Variants in CAMTA1 observed in about 807,000 individuals in gnomAD.
CAMTA1 encodes the protein calmodulin binding transcription activator 1.
In CAMTA1, 27 loss-of-function variants were observed where a neutral mutation model predicts 170.9. The ratio of observed to expected loss-of-function variants is 0.16; its 90% CI spans 0.12 to 0.22. The LOEUF (loss-of-function observed/expected upper bound fraction) is 0.22. Among genes scored for constraint, CAMTA1 ranks in the 10% least tolerant of loss-of-function variants. The pLI is 1.00. For missense variants in CAMTA1, 1,619 were observed against 2,217.2 expected (o/e 0.73, Z 5.42); for synonymous variants, 833 against 891.5 (o/e 0.93, Z 1.17).
In CAMTA1 at chr1:7,230,432, A is replaced by ACCC. The variant is rs66934266; in HGVS notation, c.303-19049_303-19047dup. Among the ~76,000 whole-genome samples the ACCC allele has an allele frequency of 1.0e-3, 39 of 38,244 alleles. 1 individual carries two copies. The East Asian group carries it at 0.018, about 18-fold the overall frequency. 25.1% of individuals were successfully genotyped at this position (38,244 alleles called of 152,430 possible). ...TTGGCTGGGCTGCTGCTCTGGGCTGACCCCCCCCCCCCGCCCCGCAAAGCT... is the reference window on the plus strand; with the variant it reads ...TTGGCTGGGCTGCTGCTCTGGGCTGACCCCCCCCCCCCCCCGCCCCGCAAAGCT... On this transcript the variant is annotated intron_variant, in intron 4 of 22. Coordinates refer to ENST00000303635, the MANE Select transcript of CAMTA1 (RefSeq NM_015215.4).
At chr1:7,098,639 A>G (rs950326780) in intron 4 of CAMTA1, among the ~76,000 whole-genome samples, 7 of 152,196 alleles carry the variant, frequency 4.6e-5, no homozygotes, top group African/African-American at 1.2e-4. Flanking sequence ...GATTCCAGTT[A>G]TCTTTATCCT....
chr1:7,281,825 G>GTT (rs1346863270), intron 5 of CAMTA1, among the ~76,000 whole-genome samples: 1 of 151,462 alleles, frequency 6.6e-6, no homozygotes, highest in African/African-American at 2.4e-5. Context: ...GTGTGTGTGT[G>GTT]TGTGTGTGTG....
chr1:7,290,576 C>A (rs1001422989), intron 5 of CAMTA1, among the ~76,000 whole-genome samples: 4 of 152,136 alleles, frequency 2.6e-5, no homozygotes, highest in Admixed American at 1.3e-4. Context: ...TGCAACCACC[C>A]CCCCCATGCA....
chr1:7,670,939 C>G lies in CAMTA1; in HGVS notation c.2681C>G (p.Pro894Arg), dbSNP rs368483417. The part of the protein sequence containing the change: ...EGGVKVLITG[P>R]WQEASNNYSC... ...GGAGTGAAGGTCCTCATCACAGGCCCGTGGCAAGAAGCCAGCAATAACTAC... is the reference window on the plus strand; with the variant it reads ...GGAGTGAAGGTCCTCATCACAGGCCGGTGGCAAGAAGCCAGCAATAACTAC... Residue 894 changes from proline to arginine, a missense_variant, in exon 10 of 23, where the codon CCG becomes CGG. By Grantham distance (103) the Pro-to-Arg change is moderately radical. This residue lies in a region of CAMTA1 where 29 missense variants were observed against 70.9 expected (regional missense o/e 0.41). Transcript: ENST00000303635. The G allele has an allele frequency of 1.1e-5, 18 of 1,613,596 alleles. No homozygotes were observed. Among genetic ancestry groups the G allele is most frequent in the Non-Finnish European group, 1.5e-5 (18 of 1,179,956 alleles).
chr1:7,079,622 C>G (rs547234113), intron 3 of CAMTA1, among the ~76,000 whole-genome samples: 2 of 152,010 alleles, frequency 1.3e-5, no homozygotes, highest in African/African-American at 4.8e-5. Context: ...CAGGCACACA[C>G]CATCACGCCT....
chr1:7,127,498 T>C (rs1250054467), intron 4 of CAMTA1, among the ~76,000 whole-genome samples: 4 of 152,048 alleles, frequency 2.6e-5, no homozygotes, highest in African/African-American at 9.7e-5. Context: ...GTCTCAAGAC[T>C]CAGGCAGTTA....
At chr1:6,799,612 C>A (rs2148179433) in intron 1 of CAMTA1, among the ~76,000 whole-genome samples, 1 of 152,274 alleles carries the variant, frequency 6.6e-6, no homozygotes, top group African/African-American at 2.4e-5. Flanking sequence ...AGTTGGTAGT[C>A]ATTTTGAGGG....
intron 3 of CAMTA1, among the ~76,000 whole-genome samples, chr1:7,017,057 C>G (rs996956215): frequency 6.6e-6 from 1 of 152,186 alleles, no homozygotes; most frequent in Non-Finnish European, 1.5e-5. Flanking sequence ...TACACCCCAC[C>G]ACTGGGAGTC....
intron 1 of CAMTA1, among the ~76,000 whole-genome samples, chr1:6,791,930 C>T (rs766971681): frequency 5.9e-5 from 9 of 151,830 alleles, no homozygotes; most frequent in Non-Finnish European, 1.3e-4. Flanking sequence ...AGATGGTCTC[C>T]CATGATAATT....
intron 4 of CAMTA1, among the ~76,000 whole-genome samples, chr1:7,183,144 A>G (rs1652558312): frequency 6.6e-6 from 1 of 152,198 alleles, no homozygotes; most frequent in South Asian, 2.1e-4. Flanking sequence ...AGACCTCAGG[A>G]AACTTTTAAT....
intron 3 of CAMTA1, among the ~76,000 whole-genome samples, chr1:7,076,341 G>A (rs1639302543): frequency 6.6e-6 from 1 of 152,164 alleles, no homozygotes; most frequent in South Asian, 2.1e-4. Flanking sequence ...TGACATTATT[G>A]CATCGCTGAA....
At chr1:7,348,523 G>A (rs17030714) in intron 5 of CAMTA1, among the ~76,000 whole-genome samples, 3,144 of 152,096 alleles carry the variant, frequency 0.021, 109 homozygotes, top group African/African-American at 0.072. Context: ...GAAGGTGCAG[G>A]AACATGGCAG....
At chr1:7,621,334 A>G (rs1330810821) in intron 6 of CAMTA1, among the ~76,000 whole-genome samples, 1 of 152,230 alleles carries the variant, frequency 6.6e-6, no homozygotes, top group East Asian at 1.9e-4. Flanking sequence ...CAGCCAGAAT[A>G]CGTTGTCACC....
intron 6 of CAMTA1, among the ~76,000 whole-genome samples, chr1:7,512,448 A>G (rs2094214500): frequency 6.6e-6 from 1 of 152,232 alleles, no homozygotes; most frequent in South Asian, 2.1e-4. Context: ...GGTAACAAAC[A>G]GTCTGGGAAT....
intron 5 of CAMTA1, among the ~76,000 whole-genome samples, chr1:7,444,766 A>G (rs535641475): frequency 6.6e-6 from 1 of 152,362 alleles, no homozygotes; most frequent in South Asian, 2.1e-4. Context: ...ATACCAGTTC[A>G]CTGGACATAG....
chr1:6,816,571 C>T (rs1051752498), intron 1 of CAMTA1, among the ~76,000 whole-genome samples: 2 of 152,160 alleles, frequency 1.3e-5, no homozygotes, highest in African/African-American at 4.8e-5. Flanking sequence ...GCAGAATCAG[C>T]GGGGGAGGTG....
intron 3 of CAMTA1, among the ~76,000 whole-genome samples, chr1:6,871,159 A>G (rs1668301129): frequency 6.6e-6 from 1 of 152,202 alleles, no homozygotes; most frequent in Admixed American, 6.5e-5. Flanking sequence ...TCAAGCCCCT[A>G]TTAATTCTGT....
chr1:6,833,622 G>T (rs1168550092), intron 3 of CAMTA1, among the ~76,000 whole-genome samples: 1 of 152,108 alleles, frequency 6.6e-6, no homozygotes, highest in Admixed American at 6.5e-5. Flanking sequence ...TACATATCAA[G>T]CATTTGTATA....
At chr1:7,596,556 G>A (rs2095401747) in intron 6 of CAMTA1, among the ~76,000 whole-genome samples, 1 of 152,150 alleles carries the variant, frequency 6.6e-6, no homozygotes, top group Non-Finnish European at 1.5e-5. Flanking sequence ...CTCCACTCAG[G>A]GCCATGCACA....
Sources: allele counts gnomAD v4.1 joint callset (sites outside exome capture counted in the v4.1 genomes callset), GRCh38; gene constraint gnomAD v4.1.1; regional missense constraint gnomAD v4.1.1; transcripts MANE v1.5; gene names NCBI Gene and HGNC (gene_info 2026-07-23, HGNC 2026-07-21).